The following ADGRL4 variants were observed in gnomAD, a reference collection of about 807,000 sequenced individuals.
ADGRL4 encodes EGF, latrophilin and seven transmembrane domain containing 1.
Under a neutral mutation model 74.8 loss-of-function variants are expected in ADGRL4, and 90 were observed. The ratio of observed to expected loss-of-function variants is 1.20; its 90% CI spans 1.02 to 1.43. The LOEUF (loss-of-function observed/expected upper bound fraction) is 1.43. Among genes scored for constraint, ADGRL4 ranks in the 40% most tolerant of loss-of-function variants. ADGRL4 has a pLI of 0.00. For missense variants in ADGRL4, 881 were observed against 814.3 expected (o/e 1.08, Z -1.00); for synonymous variants, 311 against 279.2 (o/e 1.11, Z -1.14).
intron 12 of ADGRL4, among the ~76,000 whole-genome samples, chr1:78,907,302 G>T (rs1648664092): frequency 6.6e-6 from 1 of 151,964 alleles, no homozygotes; most frequent in African/African-American, 2.4e-5. Flanking sequence ...TGTCCGTGAT[G>T]ATTTATTTCT....
At chr1:78,917,562 A>G in intron 12 of ADGRL4, 72 bp downstream of exon 12, 1 of 919,972 alleles carries the variant, frequency 1.1e-6, no homozygotes, top group South Asian at 1.8e-5. Context: ...ATAACACCTT[A>G]TTGCTGGAAA....
chr1:78,990,940 A>T (rs1271707005), intron 2 of ADGRL4, among the ~76,000 whole-genome samples: 1 of 152,026 alleles, frequency 6.6e-6, no homozygotes, highest in South Asian at 2.1e-4. Context: ...CTCTTATTTC[A>T]AAATATCAAT....
chr1:78,950,465 T>C (rs1209863479), intron 2 of ADGRL4, among the ~76,000 whole-genome samples: 1 of 152,146 alleles, frequency 6.6e-6, no homozygotes, highest in Non-Finnish European at 1.5e-5. Context: ...TGGATAAATA[T>C]GATCGGATTT....
chr1:78,952,290 A>T (rs945567124), intron 2 of ADGRL4, among the ~76,000 whole-genome samples: 10 of 147,532 alleles, frequency 6.8e-5, no homozygotes, highest in Middle Eastern at 3.3e-3. Flanking sequence ...TCCTTGTAAA[A>T]CAGGCCCTCT....
At chr1:79,006,581 A>T in intron 1 of ADGRL4, 52 bp downstream of exon 1, 2 of 1,532,636 alleles carry the variant, frequency 1.3e-6, no homozygotes, top group Non-Finnish European at 1.8e-6. Context: ...AGTCCCCTAC[A>T]AGGGATTGGT....
At chr1:78,962,039 C>A (rs1649963898) in intron 2 of ADGRL4, among the ~76,000 whole-genome samples, 1 of 152,134 alleles carries the variant, frequency 6.6e-6, no homozygotes, top group Admixed American at 6.5e-5. Context: ...CGCCATCACA[C>A]CTGGCTAATT....
chr1:78,893,285 A>T (rs1172149137), intron 12 of ADGRL4, 96 bp from the exon 13 acceptor site: 1 of 790,014 alleles, frequency 1.3e-6, no homozygotes, highest in African/African-American at 1.8e-5. Context: ...TAAGATAGAA[A>T]CTAAAAATCA....
chr1:79,000,496 A>G (rs574496882), intron 2 of ADGRL4, among the ~76,000 whole-genome samples: 1 of 152,316 alleles, frequency 6.6e-6, no homozygotes, highest in Admixed American at 6.5e-5. Flanking sequence ...TTCAAAGTAA[A>G]TATTAACCTA....
intron 2 of ADGRL4, 79 bp from the exon 3 acceptor site, chr1:78,946,505 T>A: frequency 8.2e-7 from 1 of 1,212,534 alleles, no homozygotes; most frequent in Non-Finnish European, 1.2e-6. Context: ...TATTTTGGAA[T>A]ATTGACTGTT....
At chr1:78,924,406 G>C (rs1649070509) in intron 8 of ADGRL4, among the ~76,000 whole-genome samples, 1 of 151,966 alleles carries the variant, frequency 6.6e-6, no homozygotes, top group Non-Finnish European at 1.5e-5. Context: ...AACTAAGAAA[G>C]AGGAAGACAT....
intron 2 of ADGRL4, among the ~76,000 whole-genome samples, chr1:78,974,335 A>G (rs1005649245): frequency 1.3e-5 from 2 of 152,088 alleles, no homozygotes; most frequent in Non-Finnish European, 2.9e-5. Context: ...ATTTTCAGTT[A>G]TTTATTGACA....
At chr1:78,975,086 C>T (rs1263849970) in intron 2 of ADGRL4, among the ~76,000 whole-genome samples, 1 of 152,050 alleles carries the variant, frequency 6.6e-6, no homozygotes, top group Admixed American at 6.6e-5. Context: ...CTTTTGACTC[C>T]TATTACAATC....
At chr1:78,913,709 C>G (rs1648811955) in intron 12 of ADGRL4, among the ~76,000 whole-genome samples, 1 of 151,790 alleles carries the variant, frequency 6.6e-6, no homozygotes, top group Admixed American at 6.6e-5. Flanking sequence ...ATAATCCATA[C>G]AACAAATCCG....
chr1:78,960,281 C>T (rs1483936535), intron 2 of ADGRL4, among the ~76,000 whole-genome samples: 1 of 151,902 alleles, frequency 6.6e-6, no homozygotes, highest in African/African-American at 2.4e-5. Context: ...TAAAACCATA[C>T]CTGTATACAT....
rs144666684 is a variant in ADGRL4 at position 78,978,310 on chromosome 1, G to A, written c.172+26760C>T. On this transcript the variant is annotated intron_variant, in intron 2 of 14. Coordinates refer to ENST00000370742, the MANE Select transcript of ADGRL4 (RefSeq NM_022159.4). ...TTGCCTTCTGTGAAGATTCAACATA[G>A]ATCATTTATTGTCATTACTGAACTT... Among the ~76,000 whole-genome samples the A allele has an allele frequency of 3.1e-3, 474 of 151,962 alleles. 5 individuals carry two copies. The highest frequency in any genetic ancestry group is 0.011 in the African/African-American group (451 of 41,474).
intron 2 of ADGRL4, among the ~76,000 whole-genome samples, chr1:78,959,366 C>T (rs1334071027): frequency 1.3e-5 from 2 of 152,180 alleles, no homozygotes; most frequent in Non-Finnish European, 2.9e-5. Context: ...TTAGAAACTG[C>T]AATCAGTTTT....
chr1:78,959,396 T>A (rs1228397116), intron 2 of ADGRL4, among the ~76,000 whole-genome samples: 4 of 152,232 alleles, frequency 2.6e-5, no homozygotes, highest in African/African-American at 9.6e-5. Flanking sequence ...GATTAATAAG[T>A]AGGCAAATTG....
intron 12 of ADGRL4, among the ~76,000 whole-genome samples, chr1:78,900,409 G>A (rs556384948): frequency 2.6e-5 from 4 of 152,246 alleles, no homozygotes; most frequent in African/African-American, 9.6e-5. Context: ...TGTCGTCTTA[G>A]GCCACTGAAT....
At chr1:78,998,362 CTTTTTTTTTTTTTTT>C (rs71078519) in intron 2 of ADGRL4, among the ~76,000 whole-genome samples, 47 of 65,010 alleles carry the variant, frequency 7.2e-4, no homozygotes, top group African/African-American at 2.8e-3. Context: ...TCCACTGATT[CTTTTTTTTTTTTTTT>C]TTTTTTTTTT....
Sources: allele counts gnomAD v4.1 joint callset (sites outside exome capture counted in the v4.1 genomes callset), GRCh38; gene constraint gnomAD v4.1.1; transcripts MANE v1.5; gene names NCBI Gene and HGNC (gene_info 2026-07-23, HGNC 2026-07-21).